PXN: variants seen among roughly 807,000 people sequenced by gnomAD.
PXN encodes the protein testicular tissue protein Li 134.
PXN carries 61 observed loss-of-function variants against 103.6 expected under a neutral mutation model. That is an observed-to-expected ratio of 0.59 (90% CI 0.48 to 0.73). PXN has a LOEUF of 0.73. Ranked by LOEUF, PXN falls within the 30% of genes least tolerant of loss-of-function variation. The pLI is 0.00. For missense variants in PXN, 1,274 were observed against 1,460.3 expected, an observed-to-expected ratio of 0.87 and a Z score of 2.08; for synonymous variants, 562 against 607.8, an observed-to-expected ratio of 0.92 and a Z score of 1.11.
At chr12:120,258,123 G>A (rs1297873400) in intron 1 of PXN, among the ~76,000 whole-genome samples, 2 of 151,776 alleles carry the variant, frequency 1.3e-5, no homozygotes, top group African/African-American at 2.4e-5. Flanking sequence ...AACCTGGGAG[G>A]CAGAGGTTGC....
intron 1 of PXN, among the ~76,000 whole-genome samples, chr12:120,233,531 C>T (rs1032069617): frequency 9.9e-5 from 15 of 152,264 alleles, no homozygotes; most frequent in Middle Eastern, 3.4e-3. Flanking sequence ...GTCTCGAACT[C>T]CTGACTTCAA....
In PXN at chr12:120,216,087, CCTT is replaced by C; in HGVS notation, c.2301+183_2301+185del. 7.7e-7 allele frequency: 1 copy of C among 1,296,410 alleles called. No homozygotes were observed. Among genetic ancestry groups the C allele is most frequent in the South Asian group, 2.8e-5 (1 of 35,812 alleles). 80.3% of individuals were successfully genotyped at this position (1,296,410 alleles called of 1,614,324 possible). Reference sequence around the variant, plus strand: ...CACAGAAAAGCAAGAGGGCAGCGGACCTTCTGAGTGGGGGAAGACCGGGGTCAA... The same window carrying C: ...CACAGAAAAGCAAGAGGGCAGCGGACCTGAGTGGGGGAAGACCGGGGTCAA... On this transcript the variant is annotated intron_variant, in intron 9 of 14. Transcript: ENST00000637617. The surrounding 1 kb of genome is among the most constrained non-coding windows in gnomAD (Gnocchi z 5.1).
At chr12:120,235,122 C>CT (rs1408523779) in intron 1 of PXN, among the ~76,000 whole-genome samples, 7 of 152,214 alleles carry the variant, frequency 4.6e-5, no homozygotes, top group Admixed American at 4.6e-4. Context: ...CACCCCATCC[C>CT]TACTGCCTGC....
chr12:120,216,446 A>G lies in PXN; in HGVS notation c.2128T>C (p.Ser710Pro), dbSNP rs1282112112. 3 of 1,373,468 alleles carry G rather than the reference A, an allele frequency of 2.2e-6. No homozygotes were observed. The highest frequency in any genetic ancestry group is 3.6e-5 in the Admixed American group (1 of 27,462). 85.1% of individuals were successfully genotyped at this position (1,373,468 alleles called of 1,614,324 possible). The stretch of plus-strand genomic sequence containing the variant: ...TAAGCTGAGGGCCCCAGGGGGGAGG[A>G]GGCGAGCAGGCTGGGCAGGGGAGAA... ...SSSPLPSLLA[S>P]SPLGPSAYTC... The change falls in exon 9 of 15, where the codon TCC becomes CCC. Residue 710 changes from serine to proline, a missense_variant. Ser to Pro is a moderately conservative substitution (Grantham distance 74). Coordinates refer to ENST00000637617, the MANE Select transcript of PXN (RefSeq NM_001385981.1). The surrounding 1 kb of genome is among the most constrained non-coding windows in gnomAD (Gnocchi z 5.1).
At chr12:120,259,090 A>C (rs1893465076) in intron 1 of PXN, among the ~76,000 whole-genome samples, 1 of 148,270 alleles carries the variant, frequency 6.7e-6, no homozygotes, top group Non-Finnish European at 1.5e-5. Context: ...AACAAAAAAA[A>C]ACAAATAAAA....
At position 120,212,185 on chromosome 12, in the gene PXN, G is replaced by T; in HGVS notation, c.*129C>A. ...CCCCTCACGGCCCTCTGTCCATCCC[G>T]CACCAGCGGAGGACAAGGGTTCCAG... On this transcript the variant is annotated 3_prime_UTR_variant, in exon 15 of 15. Coordinates refer to ENST00000637617, the MANE Select transcript of PXN (RefSeq NM_001385981.1). The surrounding 1 kb of genome is among the most constrained non-coding windows in gnomAD (Gnocchi z 7.2). 1 of 1,350,818 alleles carries T rather than the reference G, an allele frequency of 7.4e-7. No individual in the cohort carries two copies. The highest frequency in any genetic ancestry group is 1.0e-6 in the Non-Finnish European group (1 of 985,952). 83.7% of individuals were successfully genotyped at this position (1,350,818 alleles called of 1,614,324 possible).
chr12:120,214,151 A>C lies in PXN; in HGVS notation c.2815T>G (p.Phe939Val), dbSNP rs1459440165. The change falls in exon 13 of 15, where the codon TTC becomes GTC. Residue 939 changes from phenylalanine to valine, a missense_variant. Physicochemically the swap from Phe to Val is conservative, Grantham distance 50. Transcript: ENST00000637617. This position sits in a 1 kb window ranked among gnomAD's most constrained non-coding sequence, Gnocchi z 5.0. The part of the protein sequence containing the change: ...EHFFCAQCGA[F>V]FGPEGFHEKD... ...CAGCCCGTACCTTCGGGACCAAAGA[A>C]GGCTCCACACTGTGCACAGAAGAAG... 9 of 1,552,630 alleles carry C rather than the reference A, an allele frequency of 5.8e-6. No individual in the cohort carries two copies. Among genetic ancestry groups the C allele is most frequent in the Non-Finnish European group, 7.8e-6 (9 of 1,147,660 alleles).
intron 1 of PXN, among the ~76,000 whole-genome samples, chr12:120,246,329 C>T (rs1004937766): frequency 1.3e-5 from 2 of 150,428 alleles, no homozygotes; most frequent in Non-Finnish European, 3.0e-5. Context: ...GAGTTCGAGT[C>T]CAGCCTGGCC....
chr12:120,220,450 A>G lies in PXN; in HGVS notation c.832-359T>C, dbSNP rs779529530. Among the ~76,000 whole-genome samples, 5 of 152,130 alleles carry G rather than the reference A, an allele frequency of 3.3e-5. No individual in the cohort carries two copies. Among genetic ancestry groups the G allele is most frequent in the Non-Finnish European group, 7.4e-5 (5 of 68,006 alleles). On this transcript the variant is annotated intron_variant, in intron 6 of 14. Coordinates refer to ENST00000637617, the MANE Select transcript of PXN (RefSeq NM_001385981.1). The surrounding 1 kb of genome is among the most constrained non-coding windows in gnomAD (Gnocchi z 6.1). The stretch of plus-strand genomic sequence containing the variant: ...GGAGAGCCAGCCCCAGGGGCTGCTG[A>G]ACCCGCCTCGGACACTGGCCCAACT...
Position 120,265,571 on chromosome 12 carries a change from C to T in PXN, c.13+46G>A. On this transcript the variant is annotated intron_variant, in intron 1 of 14. Transcript: ENST00000637617. The surrounding 1 kb of genome is among the most constrained non-coding windows in gnomAD (Gnocchi z 5.7). ...TCGCTGGCGCCCTCCTGGCCCCAAG[C>T]TGCGCGCCTCTCGCCTCCTCCTCCC... is the stretch of plus-strand genomic sequence containing the variant. The T allele has an allele frequency of 6.8e-7, 1 of 1,478,906 alleles. No homozygotes were observed. Among genetic ancestry groups the T allele is most frequent in the South Asian group, 1.3e-5 (1 of 78,262 alleles). 91.6% of individuals were successfully genotyped at this position (1,478,906 alleles called of 1,614,324 possible).
chr12:120,261,137 T>C (rs1031881357), intron 1 of PXN, among the ~76,000 whole-genome samples: 2 of 152,220 alleles, frequency 1.3e-5, no homozygotes, highest in Non-Finnish European at 2.9e-5. Context: ...AAACAATGCA[T>C]GTAAAGTGCC....
chr12:120,232,856 G>T (rs1169286601), intron 1 of PXN, among the ~76,000 whole-genome samples: 1 of 152,076 alleles, frequency 6.6e-6, no homozygotes, highest in Non-Finnish European at 1.5e-5. Context: ...TGCTAATCAG[G>T]TTCTCACTAA....
rs1293493100 is a variant in PXN at position 120,224,396 on chromosome 12, G to A, written c.14-19C>T. ...AGGGCGTCTGCAAAGAGAAGGCACG[G>A]GTAGCAGGTGAGAACCGGGATCCTG... On this transcript the variant is annotated intron_variant, in intron 1 of 14. Coordinates refer to ENST00000637617, the MANE Select transcript of PXN (RefSeq NM_001385981.1). This position sits in a 1 kb window ranked among gnomAD's most constrained non-coding sequence, Gnocchi z 5.0. 7 of 1,588,720 alleles carry A rather than the reference G, an allele frequency of 4.4e-6. No individual in the cohort carries two copies. The East Asian group carries it at 1.6e-4, about 35-fold the overall frequency.
At position 120,217,118 on chromosome 12, in the gene PXN, T is replaced by G; in HGVS notation, c.1717-2A>C. 1.9e-6 allele frequency: 3 copies of G among 1,579,944 alleles called. No individual in the cohort carries two copies. The highest frequency in any genetic ancestry group is 1.7e-6 in the Non-Finnish European group (2 of 1,171,266). ...GCTCCTCCTGATCACAGATCGGATC[T>G]AGGGGGAGGGGGAGGGGAGGCTGTC... On this transcript the variant is annotated splice_acceptor_variant, in intron 7 of 14. Transcript: ENST00000637617. LOFTEE classifies it high-confidence loss of function. This position sits in a 1 kb window ranked among gnomAD's most constrained non-coding sequence, Gnocchi z 4.1.
At chr12:120,231,404 G>T (rs1175270479) in intron 1 of PXN, among the ~76,000 whole-genome samples, 1 of 152,192 alleles carries the variant, frequency 6.6e-6, no homozygotes, top group African/African-American at 2.4e-5. Context: ...ATGCCTGGAG[G>T]TTACAAAGAC....
chr12:120,263,437 G>C (rs925872158), intron 1 of PXN, among the ~76,000 whole-genome samples: 2 of 152,172 alleles, frequency 1.3e-5, no homozygotes, highest in Non-Finnish European at 1.5e-5. Context: ...CCATCACCCA[G>C]TGGCAACCCC....
In PXN at chr12:120,220,128, G is replaced by A. The variant is rs1249975822; in HGVS notation, c.832-37C>T. The stretch of plus-strand genomic sequence containing the variant: ...AGAAATGCAGAGGGGAGAGGAGAGA[G>A]AGAGATGAGGGGAGTGAGGACGGCT... On this transcript the variant is annotated intron_variant, in intron 6 of 14. Transcript: ENST00000637617. This position sits in a 1 kb window ranked among gnomAD's most constrained non-coding sequence, Gnocchi z 6.1. 2 of 846,540 alleles carry A rather than the reference G, an allele frequency of 2.4e-6. No homozygotes were observed. Among genetic ancestry groups the A allele is most frequent in the African/African-American group, 3.4e-5 (2 of 58,188 alleles). The allele number at this position is 846,540 out of a possible 1,614,324, so 52.4% of individuals were successfully genotyped here.
At chr12:120,218,225 G>A (rs1373036891) in intron 7 of PXN, among the ~76,000 whole-genome samples, 5 of 151,598 alleles carry the variant, frequency 3.3e-5, no homozygotes, top group Admixed American at 3.3e-4. Context: ...TTAATTTTTT[G>A]TAGAGACAGG....
intron 1 of PXN, among the ~76,000 whole-genome samples, chr12:120,248,100 C>A (rs1038400731): frequency 3.9e-5 from 6 of 152,106 alleles, no homozygotes; most frequent in Admixed American, 6.5e-5. Flanking sequence ...TGAGAAAGCT[C>A]AATAATTGAG....
Sources: allele counts gnomAD v4.1 joint callset (sites outside exome capture counted in the v4.1 genomes callset), GRCh38; gene constraint gnomAD v4.1.1; non-coding constraint Gnocchi (gnomAD v3.1); transcripts MANE v1.5; gene names NCBI Gene and HGNC (gene_info 2026-07-23, HGNC 2026-07-21).